The following GAN variants were observed in gnomAD, a reference collection of about 807,000 sequenced individuals.
GAN encodes the protein gigaxonin, also known as epididymis secretory sperm binding protein.
A neutral mutation model predicts 71.3 loss-of-function variants in GAN; 48 were observed. The observed-to-expected ratio is 0.67, with a 90% CI of 0.53 to 0.86. The LOEUF is 0.86. Ranked by LOEUF, GAN falls within the 40% of genes least tolerant of loss-of-function variation. The pLI, the probability that GAN is intolerant of heterozygous loss-of-function variation, is 0.00. For synonymous variants in GAN, 386 were observed against 276.8 expected, an observed-to-expected ratio of 1.39 and a Z score of -3.92; for missense variants, 928 against 770.1, an observed-to-expected ratio of 1.21 and a Z score of -2.43.
At chr16:81,362,720 C>G in intron 6 of GAN, 109 bp downstream of exon 6, 2 of 735,054 alleles carry the variant, frequency 2.7e-6, no homozygotes, top group Non-Finnish European at 5.0e-6. Flanking sequence ...GTCAAGCCAC[C>G]TGCCTCATTC....
chr16:81,332,166 A>G lies in GAN; in HGVS notation c.167+16886A>G, dbSNP rs1165253248. On this transcript the variant is annotated intron_variant, in intron 1 of 10. Transcript: ENST00000648994. Reference sequence around the variant, plus strand: ...ACGAGAGGGAAAATCTGTCTCAAAAAAAAAAAAAAAGAAAAAGAAAAAAAA... The same window carrying G: ...ACGAGAGGGAAAATCTGTCTCAAAAGAAAAAAAAAAGAAAAAGAAAAAAAA... 1.3e-5 allele frequency among the ~76,000 whole-genome samples: 2 copies of G among 151,854 alleles called. 1 individual carries two copies. Among genetic ancestry groups the G allele is most frequent in the African/African-American group, 4.8e-5 (2 of 41,368 alleles).
rs2150703493 is a variant in GAN at position 81,385,899 on chromosome 16, A to G, written c.*8303A>G. 1 of 151,408 alleles carries G rather than the reference A, an allele frequency of 6.6e-6. No homozygotes were observed. The highest frequency in any genetic ancestry group is 1.5e-5 in the Non-Finnish European group (1 of 67,936). 9.4% of individuals were successfully genotyped at this position (151,408 alleles called of 1,614,324 possible). A position where few individuals can be genotyped will look rare whatever the true frequency, so the allele number is the denominator to read the frequency against. ...CAAGTAGCTGGGACTACAAGTGCAC[A>G]CCAGTATGCCCAGCTAATTTTTTGT... On this transcript the variant is annotated 3_prime_UTR_variant, in exon 11 of 11. Coordinates refer to ENST00000648994, the MANE Select transcript of GAN (RefSeq NM_022041.4).
chr16:81,377,744 G>A lies in GAN; in HGVS notation c.*148G>A, dbSNP rs1183369374. 1 of 772,852 alleles carries A rather than the reference G, an allele frequency of 1.3e-6. No individual in the cohort carries two copies. The highest frequency in any genetic ancestry group is 1.7e-5 in the African/African-American group (1 of 58,418). The allele number at this position is 772,852 out of a possible 1,614,324, so 47.9% of individuals were successfully genotyped here. On this transcript the variant is annotated 3_prime_UTR_variant, in exon 11 of 11. Transcript: ENST00000648994. ...GTGGTTTTATGATGCTTACAAACTT[G>A]AGCTTTAGCTCTTGTTTGGGAGAAC...
At chr16:81,373,519 A>C (rs1294337023) in intron 9 of GAN, among the ~76,000 whole-genome samples, 6 of 152,228 alleles carry the variant, frequency 3.9e-5, no homozygotes, top group African/African-American at 1.4e-4. Flanking sequence ...CATTTCCATA[A>C]GCCATTCAAT....
chr16:81,322,706 A>G (rs181123963), intron 1 of GAN, among the ~76,000 whole-genome samples: 27 of 152,344 alleles, frequency 1.8e-4, no homozygotes, highest in African/African-American at 6.3e-4. Flanking sequence ...ATTTTGAAAC[A>G]TAGTTTTATG....
intron 5 of GAN, among the ~76,000 whole-genome samples, chr16:81,359,999 C>G (rs1910618913): frequency 6.6e-6 from 1 of 151,210 alleles, no homozygotes; most frequent in African/African-American, 2.4e-5. Context: ...CACAATATGT[C>G]TTTTTTTGAT....
chr16:81,331,706 A>C (rs1199524408), intron 1 of GAN, among the ~76,000 whole-genome samples: 2 of 152,180 alleles, frequency 1.3e-5, no homozygotes, highest in Non-Finnish European at 2.9e-5. Flanking sequence ...AACTCCTTGC[A>C]TTCTCTCATT....
chr16:81,368,015 A>G (rs750540370), intron 9 of GAN, among the ~76,000 whole-genome samples: 2 of 152,240 alleles, frequency 1.3e-5, no homozygotes, highest in Non-Finnish European at 2.9e-5. Flanking sequence ...TGAGCAGTCC[A>G]TATTTGATTG....
rs905418536 is a variant in GAN at position 81,389,314 on chromosome 16, C to T, written c.*11718C>T. On this transcript the variant is annotated 3_prime_UTR_variant, in exon 11 of 11. Transcript: ENST00000648994. ...TTGTACCCCTTCAGTTCGCCGGCGA[C>T]GTAATGGTGATACCCTTTGTTTTTT... 6.6e-5 allele frequency: 10 copies of T among 152,200 alleles called. No homozygotes were observed. In the East Asian group the frequency reaches 1.7e-3, roughly 26 times the overall value. 9.4% of individuals were successfully genotyped at this position (152,200 alleles called of 1,614,324 possible). A position where few individuals can be genotyped will look rare whatever the true frequency, so the allele number is the denominator to read the frequency against.
At chr16:81,332,083 C>G (rs1304414008) in intron 1 of GAN, among the ~76,000 whole-genome samples, 1 of 151,806 alleles carries the variant, frequency 6.6e-6, no homozygotes, top group Non-Finnish European at 1.5e-5. Context: ...ATCGCTTGAA[C>G]CTGGGAGGCA....
In GAN at chr16:81,381,751, A is replaced by C. The variant is rs1904306209; in HGVS notation, c.*4155A>C. On this transcript the variant is annotated 3_prime_UTR_variant, in exon 11 of 11. Transcript: ENST00000648994. ...GTAGGCAATAAACATTTGACAAATAAATATAAGATTCTTGTGATCAAAGTA... is the reference window on the plus strand; with the variant it reads ...GTAGGCAATAAACATTTGACAAATACATATAAGATTCTTGTGATCAAAGTA... 1.3e-5 allele frequency: 2 copies of C among 152,226 alleles called. No homozygotes were observed. Among genetic ancestry groups the C allele is most frequent in the African/African-American group, 2.4e-5 (1 of 41,460 alleles). 9.4% of individuals were successfully genotyped at this position (152,226 alleles called of 1,614,324 possible).
Position 81,356,952 on chromosome 16 carries a change from A to G in GAN, c.801A>G (p.Lys267=), listed in dbSNP as rs746799355. The G allele has an allele frequency of 1.7e-5, 27 of 1,613,374 alleles. No individual in the cohort carries two copies. The highest frequency in any genetic ancestry group is 2.3e-5 in the Non-Finnish European group (27 of 1,179,790). The change falls in exon 4 of 11, where the codon AAA becomes AAG. Residue 267 remains lysine (K), a synonymous_variant. Transcript: ENST00000648994. The part of the protein sequence containing the change: ...QQGEAMLANF[K]PRGYSECIVT... ...GGGAGGCGATGCTGGCCAACTTCAA[A>G]CCCCGGGGCTACTCTGAGTGCATCG...
intron 8 of GAN, 86 bp from the exon 9 acceptor site, chr16:81,365,264 A>G (rs1910813908): frequency 1.3e-6 from 2 of 1,578,092 alleles, no homozygotes; most frequent in Non-Finnish European, 1.7e-6. Context: ...GTAATGCTGC[A>G]GAGTTAAACC....
chr16:81,362,803 T>C lies in GAN; in HGVS notation c.1086+192T>C, dbSNP rs12446794. 2.4e-4 allele frequency among the ~76,000 whole-genome samples: 37 copies of C among 152,250 alleles called. 1 individual carries two copies. Among genetic ancestry groups the C allele is most frequent in the Admixed American group, 6.5e-4 (10 of 15,296 alleles). ...CTCACTCCTTCTGGCCTCCATGAGT[T>C]TCTGAAATCTTCCAGGAATGCCCTC... On this transcript the variant is annotated intron_variant, in intron 6 of 10. Transcript: ENST00000648994.
chr16:81,364,274 T>C (rs1395438824), intron 7 of GAN, among the ~76,000 whole-genome samples: 1 of 152,098 alleles, frequency 6.6e-6, no homozygotes, highest in East Asian at 1.9e-4. Flanking sequence ...CTCTCTCTCT[T>C]TCCTTTTGTT....
intron 9 of GAN, among the ~76,000 whole-genome samples, chr16:81,376,465 A>ATG (rs56782049): frequency 0.14 from 17,695 of 126,896 alleles, 1,197 homozygotes; most frequent in East Asian, 0.28. Flanking sequence ...ATACATACAT[A>ATG]TGTGTGTGTG....
At position 81,377,466 on chromosome 16, in the gene GAN, A is replaced by T. The variant is rs764296351; in HGVS notation, c.1664A>T (p.His555Leu). ...TTTAAAAGAAGCACAGGAACCTGGCACCACACTAAACCACTCCTTCCATCC... is the reference window on the plus strand; with the variant it reads ...TTTAAAAGAAGCACAGGAACCTGGCTCCACACTAAACCACTCCTTCCATCC... ...REFKRSTGTW[H>L]HTKPLLPSDL... The change falls in exon 11 of 11, where the codon CAC becomes CTC. Residue 555 changes from histidine (H) to leucine (L), a missense_variant. Transcript: ENST00000648994. 7 of 1,614,024 alleles carry T rather than the reference A, an allele frequency of 4.3e-6. No individual in the cohort carries two copies. In the South Asian group the frequency reaches 7.7e-5, roughly 18 times the overall value.
At chr16:81,340,219 G>A (rs4888144) in intron 1 of GAN, among the ~76,000 whole-genome samples, 118,338 of 152,036 alleles carry the variant, frequency 0.78, 46,269 homozygotes, top group East Asian at 0.87. Flanking sequence ...GATTACAGGC[G>A]TGAGCCACTG....
At chr16:81,351,744 A>G in intron 2 of GAN, 47 bp downstream of exon 2, 1 of 864,898 alleles carries the variant, frequency 1.2e-6, no homozygotes, top group South Asian at 1.3e-5. Flanking sequence ...AGGCTTCTCA[A>G]GCTCAGGGTG....
Sources: gnomAD v4.1 joint callset for allele counts (sites outside exome capture counted in the v4.1 genomes callset) on GRCh38, gnomAD v4.1.1 for gene constraint, MANE v1.5 for transcripts, NCBI Gene and HGNC (gene_info 2026-07-23, HGNC 2026-07-21) for gene names.